The following ADCYAP1R1 variants were observed in gnomAD, a reference collection of about 807,000 sequenced individuals.
The protein encoded by ADCYAP1R1 is pituitary adenylate cyclase-activating polypeptide type I receptor.
In ADCYAP1R1, 44 loss-of-function variants were observed where a neutral mutation model predicts 67.6. The ratio of observed to expected loss-of-function variants is 0.65; its 90% confidence interval spans 0.51 to 0.84. ADCYAP1R1 has a LOEUF of 0.84. Among genes scored for constraint, ADCYAP1R1 ranks in the 40% least tolerant of loss-of-function variants. The probability of loss-of-function intolerance (pLI) is 0.00; values close to 1 mark genes in which losing one functional copy is unlikely to be tolerated. For missense variants in ADCYAP1R1, 477 were observed against 587.9 expected (o/e 0.81, Z 1.95); for synonymous variants, 222 against 219.6 (o/e 1.01, Z -0.10).
chr7:31,095,582 TG>T, intron 13 of ADCYAP1R1: 1 of 713,488 alleles, frequency 1.4e-6, no homozygotes, highest in Non-Finnish European at 2.6e-6. Flanking sequence ...CAGAGTCCCC[TG>T]GGGTACCAGA....
intron 1 of ADCYAP1R1, among the ~76,000 whole-genome samples, chr7:31,062,593 G>A (rs1357523745): frequency 1.3e-5 from 2 of 152,202 alleles, no homozygotes; most frequent in African/African-American, 4.8e-5. Flanking sequence ...GTTGCTTGGC[G>A]ATCCTGCCTC....
intron 13 of ADCYAP1R1, among the ~76,000 whole-genome samples, chr7:31,101,868 C>A (rs1796451326): frequency 6.6e-6 from 1 of 152,196 alleles, no homozygotes; most frequent in Non-Finnish European, 1.5e-5. Context: ...TTAGCAGGAA[C>A]CTGCTCGGAT....
In ADCYAP1R1 at chr7:31,105,973, G is replaced by A. The variant is rs576366792; in HGVS notation, c.1219-523G>A. Among the ~76,000 whole-genome samples the A allele has an allele frequency of 4.7e-4, 71 of 152,340 alleles. 2 individuals carry two copies. In the Middle Eastern group the frequency reaches 0.017, roughly 36 times the overall value. On this transcript the variant is annotated intron_variant, in intron 15 of 15. Transcript: ENST00000304166. Reference sequence around the variant, plus strand: ...TGGGTGTGTGTTTTCCCAGAGGGGTGCATTATTTAATGGTTCTCAACCCTG... The same window carrying A: ...TGGGTGTGTGTTTTCCCAGAGGGGTACATTATTTAATGGTTCTCAACCCTG...
chr7:31,095,291 G>T (rs1344586047), intron 13 of ADCYAP1R1, among the ~76,000 whole-genome samples: 1 of 152,202 alleles, frequency 6.6e-6, no homozygotes, highest in Non-Finnish European at 1.5e-5. Flanking sequence ...TGGCTGTGGT[G>T]CGGGCAGGCC....
rs1025635215 is a variant in ADCYAP1R1, at chr7:31,109,264, C to G, written c.*2580C>G. ...TGTACCTGATGTATTCTCAATGTTC[C>G]AAGAGGTTCTGGCCTTCAGGGTCAC... On this transcript the variant is annotated 3_prime_UTR_variant, in exon 16 of 16. Transcript: ENST00000304166. 6.6e-6 allele frequency: 1 copy of G among 152,170 alleles called. No homozygotes were observed. Among genetic ancestry groups the G allele is most frequent in the East Asian group, 1.9e-4 (1 of 5,198 alleles). The allele number at this position is 152,170 out of a possible 1,614,324, so 9.4% of individuals were successfully genotyped here.
At chr7:31,063,148 C>T (rs553360889) in intron 1 of ADCYAP1R1, 46 bp from the exon 2 acceptor site, 1 of 1,263,722 alleles carries the variant, frequency 7.9e-7, no homozygotes, top group Non-Finnish European at 1.1e-6. Context: ...TTGCCCCCGG[C>T]CACTGCACTG....
At chr7:31,055,765 A>C (rs1332153097) in intron 1 of ADCYAP1R1, among the ~76,000 whole-genome samples, 4 of 152,348 alleles carry the variant, frequency 2.6e-5, no homozygotes, top group Admixed American at 2.6e-4. Context: ...GGAGGGGCTT[A>C]GCTCTGATAG....
At chr7:31,091,643 A>G (rs934499204) in intron 12 of ADCYAP1R1, among the ~76,000 whole-genome samples, 3 of 152,112 alleles carry the variant, frequency 2.0e-5, no homozygotes, top group Admixed American at 6.5e-5. Flanking sequence ...TGAACCAGCA[A>G]TCCCAGCATC....
chr7:31,072,110 C>T (rs191371660), intron 3 of ADCYAP1R1, among the ~76,000 whole-genome samples: 7 of 151,524 alleles, frequency 4.6e-5, no homozygotes, highest in Non-Finnish European at 5.9e-5. Flanking sequence ...GTGTTGGCCT[C>T]GACTCTGCAG....
At chr7:31,070,528 G>A (rs1260286157) in intron 3 of ADCYAP1R1, among the ~76,000 whole-genome samples, 1 of 152,220 alleles carries the variant, frequency 6.6e-6, no homozygotes, top group Non-Finnish European at 1.5e-5. Flanking sequence ...CCAAGAGGAA[G>A]GAAGCACATC....
rs1796464423 is a variant in ADCYAP1R1, at chr7:31,102,111, C to G, written c.1047-1126C>G. ...AGAGATCTGGAGCTCCCATGTTCAA[C>G]AGAACATTCTCTCCCAGAAAGGCTG... is the stretch of plus-strand genomic sequence containing the variant. On this transcript the variant is annotated intron_variant, in intron 13 of 15. Transcript: ENST00000304166. This position sits in a 1 kb window ranked among gnomAD's most constrained non-coding sequence, Gnocchi z 4.3. Among the ~76,000 whole-genome samples the G allele has an allele frequency of 6.6e-6, 1 of 152,224 alleles. No homozygotes were observed. The highest frequency in any genetic ancestry group is 6.5e-5 in the Admixed American group (1 of 15,286).
chr7:31,058,231 G>C (rs1354548842), intron 1 of ADCYAP1R1, among the ~76,000 whole-genome samples: 3 of 152,226 alleles, frequency 2.0e-5, no homozygotes. Flanking sequence ...ACAGTACAGG[G>C]ATGGCTGGAG....
Position 31,106,388 on chromosome 7 carries a change from G to T in ADCYAP1R1, c.1219-108G>T, listed in dbSNP as rs532291511. The T allele has an allele frequency of 3.1e-5, 41 of 1,339,940 alleles. No individual in the cohort carries two copies. The African/African-American group carries it at 4.3e-4, about 14-fold the overall frequency. 83.0% of individuals were successfully genotyped at this position (1,339,940 alleles called of 1,614,324 possible). A position where few individuals can be genotyped will look rare whatever the true frequency, so the allele number is the denominator to read the frequency against. On this transcript the variant is annotated intron_variant, in intron 15 of 15. Coordinates refer to ENST00000304166, the MANE Select transcript of ADCYAP1R1 (RefSeq NM_001118.5). ...AGGCTGCAACTGGGGAGTGGGGAGG[G>T]TGCTGAGGGTGGCACTGCCAGCCTG...
intron 5 of ADCYAP1R1, 152 bp from the exon 6 acceptor site, chr7:31,081,561 G>C: frequency 1.8e-6 from 1 of 552,268 alleles, no homozygotes; most frequent in South Asian, 3.0e-5. Context: ...AGAAAGGTGC[G>C]CGGCTGCTAT....
Position 31,109,077 on chromosome 7 carries a change from A to G in ADCYAP1R1, c.*2393A>G, listed in dbSNP as rs968243562. 2 of 152,272 alleles carry G rather than the reference A, an allele frequency of 1.3e-5. No individual in the cohort carries two copies. The highest frequency in any genetic ancestry group is 1.9e-4 in the East Asian group (1 of 5,198). 9.4% of individuals were successfully genotyped at this position (152,272 alleles called of 1,614,324 possible). A position where few individuals can be genotyped will look rare whatever the true frequency, so the allele number is the denominator to read the frequency against. On this transcript the variant is annotated 3_prime_UTR_variant, in exon 16 of 16. Transcript: ENST00000304166. ...GTGGAAGAAGAAACTTTGGCATTATAGAGACATCATCACAAAACAGTAAAA... is the reference window on the plus strand; with the variant it reads ...GTGGAAGAAGAAACTTTGGCATTATGGAGACATCATCACAAAACAGTAAAA...
At chr7:31,072,455 C>G (rs1267370520) in intron 3 of ADCYAP1R1, among the ~76,000 whole-genome samples, 1 of 152,228 alleles carries the variant, frequency 6.6e-6, no homozygotes, top group Admixed American at 6.5e-5. Context: ...CCAGCCAGGT[C>G]CAGCCAGTGT....
At chr7:31,071,572 T>C (rs141729728) in intron 3 of ADCYAP1R1, among the ~76,000 whole-genome samples, 116 of 152,280 alleles carry the variant, frequency 7.6e-4, no homozygotes, top group African/African-American at 2.4e-3. Context: ...CTGAAACATG[T>C]TTTCCTGGCT....
At chr7:31,096,864 A>G (rs1348357762) in intron 13 of ADCYAP1R1, among the ~76,000 whole-genome samples, 1 of 152,200 alleles carries the variant, frequency 6.6e-6, no homozygotes. Flanking sequence ...AGTGGCCAGC[A>G]CCACAGTGAT....
At chr7:31,099,181 G>C (rs1001852493) in intron 13 of ADCYAP1R1, among the ~76,000 whole-genome samples, 3 of 152,176 alleles carry the variant, frequency 2.0e-5, no homozygotes, top group Non-Finnish European at 4.4e-5. Flanking sequence ...CTGCAGCCTG[G>C]GCCCCCCTCC....
Sources: allele counts gnomAD v4.1 joint callset (sites outside exome capture counted in the v4.1 genomes callset), GRCh38; gene constraint gnomAD v4.1.1; non-coding constraint Gnocchi (gnomAD v3.1); transcripts MANE v1.5; gene names NCBI Gene and HGNC (gene_info 2026-07-23, HGNC 2026-07-21).